Variants in PCDHA1 observed in about 807,000 individuals in gnomAD.
The protein encoded by PCDHA1 is protocadherin alpha 1.
In PCDHA1, 42 loss-of-function variants were observed where a neutral mutation model predicts 61.3. The observed-to-expected ratio is 0.69, with a 90% confidence interval of 0.54 to 0.89. The LOEUF is 0.89. Ranked by LOEUF, PCDHA1 falls within the 40% of genes least tolerant of loss-of-function variation. The probability of loss-of-function intolerance (pLI) is 0.00; values close to 1 mark genes in which losing one functional copy is unlikely to be tolerated. For synonymous variants in PCDHA1, 610 were observed against 553.8 expected (o/e 1.10, Z -1.43); for missense variants, 1,256 against 1,235.3 (o/e 1.02, Z -0.25).
chr5:140,829,028 G>A, intron 1 of PCDHA1: 1 of 1,613,544 alleles, frequency 6.2e-7, no homozygotes, highest in East Asian at 2.2e-5. Flanking sequence ...TTTTGAACAA[G>A]AAAACTTATA....
intron 1 of PCDHA1, chr5:140,836,547 CG>C (rs2150263715): frequency 3.1e-6 from 5 of 1,613,738 alleles, no homozygotes; most frequent in Non-Finnish European, 3.4e-6. Context: ...CACGGCGTTG[CG>C]GTGCTCAGCG....
intron 1 of PCDHA1, among the ~76,000 whole-genome samples, chr5:140,901,565 G>A (rs1554189898): frequency 6.6e-6 from 1 of 152,062 alleles, no homozygotes; most frequent in African/African-American, 2.4e-5. Context: ...CTATGTGTCT[G>A]TTTTTATGCC....
intron 1 of PCDHA1, chr5:140,876,811 G>A (rs2153346110): frequency 9.3e-6 from 15 of 1,614,218 alleles, no homozygotes; most frequent in Non-Finnish European, 1.3e-5. Context: ...GGAGGTGGCC[G>A]ACGTGAACGA....
At chr5:140,868,202 A>C (rs1401388364) in intron 1 of PCDHA1, 1 of 152,188 alleles carries the variant, frequency 6.6e-6, no homozygotes, top group Non-Finnish European at 1.5e-5. Flanking sequence ...GGCTTACATT[A>C]GAAATAATAT....
rs552420407 is a variant in PCDHA1, at chr5:140,883,937, G to A, written c.2395-95012G>A. Reference sequence around the variant, plus strand: ...CGTGACGCTGCAGGTGTTCGTGCTGGACGAGAACGACAACGCTCCGGCGCT... The same window carrying A: ...CGTGACGCTGCAGGTGTTCGTGCTGAACGAGAACGACAACGCTCCGGCGCT... On this transcript the variant is annotated intron_variant, in intron 1 of 3. Transcript: ENST00000504120. The A allele has an allele frequency of 5.6e-6, 9 of 1,613,414 alleles. 1 individual carries two copies. The South Asian group carries it at 9.9e-5, about 18-fold the overall frequency.
At chr5:140,836,246 G>A (rs2150134732) in intron 1 of PCDHA1, 2 of 1,613,810 alleles carry the variant, frequency 1.2e-6, no homozygotes, top group Non-Finnish European at 1.7e-6. Flanking sequence ...CGAGCATCCC[G>A]TTCCGCGTGG....
chr5:140,807,614 G>T lies in PCDHA1; in HGVS notation c.2394+18930G>T, dbSNP rs782288256. 5.0e-6 allele frequency: 8 copies of T among 1,614,174 alleles called. No individual in the cohort carries two copies. The South Asian group carries it at 8.8e-5, about 18-fold the overall frequency. The stretch of plus-strand genomic sequence containing the variant: ...AGCAACACAAAAGAACCTGTCCATC[G>T]CGGAATCCAGGCCGCTTGACTCTCG... On this transcript the variant is annotated intron_variant, in intron 1 of 3. Transcript: ENST00000504120.
At chr5:140,795,658 G>C in intron 1 of PCDHA1, 1 of 1,614,114 alleles carries the variant, frequency 6.2e-7, no homozygotes, top group Non-Finnish European at 8.5e-7. Flanking sequence ...ACTTATTAAG[G>C]TATTAGATGT....
intron 1 of PCDHA1, chr5:140,829,525 T>G (rs2150169385): frequency 6.2e-7 from 1 of 1,613,356 alleles, no homozygotes; most frequent in East Asian, 2.2e-5. Context: ...TCACGGTGTC[T>G]GCGCGAGACG....
At chr5:140,889,267 A>C (rs1376262292) in intron 1 of PCDHA1, among the ~76,000 whole-genome samples, 1 of 151,966 alleles carries the variant, frequency 6.6e-6, no homozygotes. Context: ...AAGTTTGTAT[A>C]ATCTTTGAAT....
At chr5:140,991,505 G>T (rs2097456335) in intron 3 of PCDHA1, among the ~76,000 whole-genome samples, 1 of 152,180 alleles carries the variant, frequency 6.6e-6, no homozygotes, top group Admixed American at 6.5e-5. Context: ...AGTTTCACTG[G>T]CTAAAATCAA....
At chr5:140,991,691 A>G (rs2153897191) in intron 3 of PCDHA1, among the ~76,000 whole-genome samples, 1 of 152,286 alleles carries the variant, frequency 6.6e-6, no homozygotes, top group Middle Eastern at 3.4e-3. Flanking sequence ...TCTCTAGTAG[A>G]GCCATTAATA....
chr5:140,803,846 C>A (rs559372667), intron 1 of PCDHA1: 7 of 598,242 alleles, frequency 1.2e-5, no homozygotes, highest in African/African-American at 9.3e-5. Context: ...TATTTTATTG[C>A]TAAATGCCTG....
chr5:140,903,434 A>T (rs1372993909), intron 1 of PCDHA1, among the ~76,000 whole-genome samples: 1 of 152,226 alleles, frequency 6.6e-6, no homozygotes, highest in Non-Finnish European at 1.5e-5. Context: ...AATATGTATC[A>T]GTGGAATTCA....
At chr5:140,913,145 G>A (rs2076230074) in intron 1 of PCDHA1, among the ~76,000 whole-genome samples, 1 of 152,150 alleles carries the variant, frequency 6.6e-6, no homozygotes, top group Non-Finnish European at 1.5e-5. Context: ...TTTTGGAATA[G>A]TTTGAGTAGG....
chr5:140,981,101 G>A (rs1484209084), intron 2 of PCDHA1, among the ~76,000 whole-genome samples: 1 of 152,196 alleles, frequency 6.6e-6, no homozygotes, highest in Non-Finnish European at 1.5e-5. Flanking sequence ...TTTAATGAGT[G>A]AATTTCTACT....
intron 1 of PCDHA1, among the ~76,000 whole-genome samples, chr5:140,906,212 A>C (rs2072460025): frequency 6.6e-6 from 1 of 152,194 alleles, no homozygotes; most frequent in South Asian, 2.1e-4. Context: ...CTCAGTATTA[A>C]CCATCACAAG....
intron 1 of PCDHA1, among the ~76,000 whole-genome samples, chr5:140,845,131 G>A (rs1779712441): frequency 6.7e-6 from 1 of 149,158 alleles, no homozygotes; most frequent in South Asian, 2.1e-4. Flanking sequence ...CATTTTATTT[G>A]ACTATTTGAA....
chr5:140,907,648 G>T (rs2153502267), intron 1 of PCDHA1, among the ~76,000 whole-genome samples: 1 of 152,312 alleles, frequency 6.6e-6, no homozygotes, highest in East Asian at 1.9e-4. Flanking sequence ...TGGCAAATTG[G>T]GCACTCAGCA....
Sources: gnomAD v4.1 joint callset for allele counts (sites outside exome capture counted in the v4.1 genomes callset) on GRCh38, gnomAD v4.1.1 for gene constraint, MANE v1.5 for transcripts, NCBI Gene and HGNC (gene_info 2026-07-23, HGNC 2026-07-21) for gene names.